NSD1: variants seen among roughly 807,000 people sequenced by gnomAD.
NSD1 encodes histone-lysine N-methyltransferase, H3 lysine-36 specific.
Under a neutral mutation model 242.7 loss-of-function variants are expected in NSD1, and 26 were observed. The observed-to-expected ratio is 0.11, with a 90% CI of 0.08 to 0.15. The LOEUF (loss-of-function observed/expected upper bound fraction) is 0.15. Ranked by LOEUF, NSD1 falls within the 10% of genes least tolerant of loss-of-function variation. The probability of loss-of-function intolerance (pLI) is 1.00; values close to 1 mark genes in which losing one functional copy is unlikely to be tolerated. For missense variants in NSD1, 2,495 were observed against 3,272.8 expected (o/e 0.76, Z 5.80); for synonymous variants, 1,106 against 1,178.1 (o/e 0.94, Z 1.25).
rs2149757130 is a variant in NSD1, at chr5:177,135,995, A to C, written c.892A>C (p.Thr298Pro). 6.2e-7 allele frequency: 1 copy of C among 1,614,072 alleles called. No individual in the cohort carries two copies. Among genetic ancestry groups the C allele is most frequent in the East Asian group, 2.2e-5 (1 of 44,882 alleles). Residue 298 changes from threonine to proline, a missense_variant, in exon 2 of 23, where the codon ACT becomes CCT. Thr to Pro is a conservative substitution (Grantham distance 38). Coordinates refer to ENST00000439151, the MANE Select transcript of NSD1 (RefSeq NM_022455.5). ...AGGAAACATGCTAGAATTACCTGGA[A>C]CTTCATCATCATCTACTTCACAGGA... The part of the protein sequence containing the change: ...TLGNMLELPG[T>P]SSSSTSQELP...
intron 5 of NSD1, among the ~76,000 whole-genome samples, chr5:177,227,043 T>C (rs768845158): frequency 1.2e-4 from 19 of 152,326 alleles, no homozygotes; most frequent in Admixed American, 2.0e-4. Context: ...TTCTGTTATG[T>C]TAAAATATCC....
At chr5:177,266,622 AG>A in intron 14 of NSD1, 1 of 578,742 alleles carries the variant, frequency 1.7e-6, no homozygotes, top group Non-Finnish European at 2.6e-6. Flanking sequence ...CCGGCCGCCA[AG>A]ACCCCCGCCT....
chr5:177,257,642 C>T (rs923390008), intron 13 of NSD1, among the ~76,000 whole-genome samples: 1 of 152,050 alleles, frequency 6.6e-6, no homozygotes, highest in African/African-American at 2.4e-5. Context: ...AGGGGCATAA[C>T]GAACTAGTTC....
At chr5:177,256,771 G>C (rs960838312) in intron 12 of NSD1, among the ~76,000 whole-genome samples, 180 bp from the exon 13 acceptor site, 1 of 152,152 alleles carries the variant, frequency 6.6e-6, no homozygotes, top group Non-Finnish European at 1.5e-5. Context: ...GTTGTATCAC[G>C]TCAGGGAGTA....
rs76020197 is a variant in NSD1, at chr5:177,300,070, C to G, written c.*4611C>G. 2.2e-5 allele frequency: 4 copies of G among 183,864 alleles called. No individual in the cohort carries two copies. Among genetic ancestry groups the G allele is most frequent in the Non-Finnish European group, 3.2e-5 (3 of 92,850 alleles). The allele number at this position is 183,864 out of a possible 1,614,324, so 11.4% of individuals were successfully genotyped here. On this transcript the variant is annotated 3_prime_UTR_variant, in exon 23 of 23. Coordinates refer to ENST00000439151, the MANE Select transcript of NSD1 (RefSeq NM_022455.5). ...CTTTTTTGCCGCGCCCCCCCCCCCCCGCCCCCATAGATTGTCAGCTGTAAG... is the reference window on the plus strand; with the variant it reads ...CTTTTTTGCCGCGCCCCCCCCCCCCGGCCCCCATAGATTGTCAGCTGTAAG...
intron 2 of NSD1, among the ~76,000 whole-genome samples, chr5:177,152,327 A>G (rs867119600): frequency 7.2e-6 from 1 of 138,688 alleles, no homozygotes; most frequent in African/African-American, 2.8e-5. Flanking sequence ...GTGTGTATGT[A>G]TGTATGTATG....
intron 2 of NSD1, among the ~76,000 whole-genome samples, chr5:177,180,768 C>T (rs978332379): frequency 7.2e-5 from 11 of 151,870 alleles, no homozygotes; most frequent in South Asian, 2.1e-4. Flanking sequence ...CTGCATCCTC[C>T]GCCTCCCGGG....
At chr5:177,146,134 A>G (rs937580815) in intron 2 of NSD1, among the ~76,000 whole-genome samples, 2 of 151,238 alleles carry the variant, frequency 1.3e-5, no homozygotes, top group African/African-American at 4.8e-5. Context: ...TGGTTTTGCA[A>G]TGGTAATATT....
intron 14 of NSD1, among the ~76,000 whole-genome samples, chr5:177,263,712 T>G (rs1171660511): frequency 6.6e-6 from 1 of 152,234 alleles, no homozygotes; most frequent in Non-Finnish European, 1.5e-5. Flanking sequence ...ATCCACATTG[T>G]TCATGGAACA....
At chr5:177,174,377 T>C (rs1320766073) in intron 2 of NSD1, among the ~76,000 whole-genome samples, 3 of 152,030 alleles carry the variant, frequency 2.0e-5, no homozygotes, top group African/African-American at 7.2e-5. Flanking sequence ...CTTGCCAAGC[T>C]AATTTTTGTG....
In NSD1 at chr5:177,191,752, A is replaced by G. The variant is rs1037690811; in HGVS notation, c.928-132A>G. The G allele has an allele frequency of 4.5e-6, 4 of 886,062 alleles. No homozygotes were observed. The African/African-American group carries it at 5.0e-5, about 11-fold the overall frequency. 54.9% of individuals were successfully genotyped at this position (886,062 alleles called of 1,614,324 possible). A position where few individuals can be genotyped will look rare whatever the true frequency, so the allele number is the denominator to read the frequency against. On this transcript the variant is annotated intron_variant, in intron 2 of 22. Transcript: ENST00000439151. ...ATAATTTAGTTGTACTTATTTTGTA[A>G]TTCTTTTTAGGCTAGAGTGTTTTCA...
At chr5:177,218,059 T>C (rs545330287) in intron 5 of NSD1, among the ~76,000 whole-genome samples, 11 of 152,202 alleles carry the variant, frequency 7.2e-5, no homozygotes, top group African/African-American at 2.6e-4. Context: ...ACTACAGCCA[T>C]GCACCACCAT....
chr5:177,283,828 G>T lies in NSD1; in HGVS notation c.6051G>T (p.Arg2017=). 6.2e-7 allele frequency: 1 copy of T among 1,614,176 alleles called. No individual in the cohort carries two copies. Among genetic ancestry groups the T allele is most frequent in the South Asian group, 1.1e-5 (1 of 91,080 alleles). The change falls in exon 20 of 23, where the codon CGG becomes CGT. Residue 2017 remains arginine, a synonymous_variant. Coordinates refer to ENST00000439151, the MANE Select transcript of NSD1 (RefSeq NM_022455.5). ...IDAGPKGNYA[R]FMNHCCQPNC... is the part of the protein sequence containing the mutation. Reference sequence around the variant, plus strand: ...CTGGTCCCAAAGGAAACTATGCTCGGTTCATGAATCATTGCTGCCAGCCCA... The same window carrying T: ...CTGGTCCCAAAGGAAACTATGCTCGTTTCATGAATCATTGCTGCCAGCCCA...
intron 2 of NSD1, among the ~76,000 whole-genome samples, chr5:177,147,084 T>C (rs552853312): frequency 6.6e-6 from 1 of 151,842 alleles, no homozygotes; most frequent in East Asian, 1.9e-4. Flanking sequence ...TAAAACTACA[T>C]CCATCGTCTT....
At position 177,295,309 on chromosome 5, in the gene NSD1, G is replaced by A. The variant is rs1308245362; in HGVS notation, c.7941G>A (p.Gln2647=). Residue 2647 remains glutamine (Q), a synonymous_variant, in exon 23 of 23, where the codon CAG becomes CAA. Transcript: ENST00000439151. This position sits in a 1 kb window ranked among gnomAD's most constrained non-coding sequence, Gnocchi z 4.3. ...TAGTGGCTGGACAGACACTGGCACA[G>A]TCTTGCTGGTCTGCTGGGAGCACAC... ...WPIVAGQTLA[Q]SCWSAGSTQT... 2 of 1,613,976 alleles carry A rather than the reference G, an allele frequency of 1.2e-6. No homozygotes were observed.
intron 17 of NSD1, among the ~76,000 whole-genome samples, chr5:177,275,086 C>T (rs755916398): frequency 6.6e-6 from 1 of 150,936 alleles, no homozygotes; most frequent in Non-Finnish European, 1.5e-5. Flanking sequence ...CTAATTTGAC[C>T]ACCATCTTGA....
At chr5:177,192,549 AC>A (rs1304905798) in intron 3 of NSD1, among the ~76,000 whole-genome samples, 3 of 152,298 alleles carry the variant, frequency 2.0e-5, no homozygotes, top group African/African-American at 7.2e-5. Context: ...GGCATGTGCC[AC>A]TACGCCCAGC....
chr5:177,139,386 C>T (rs1756619399), intron 2 of NSD1, among the ~76,000 whole-genome samples: 1 of 147,564 alleles, frequency 6.8e-6, no homozygotes, highest in South Asian at 2.1e-4. Flanking sequence ...GCGGAGGTTG[C>T]AGTGAGCCGA....
At chr5:177,226,194 G>A (rs968345316) in intron 5 of NSD1, among the ~76,000 whole-genome samples, 1 of 152,016 alleles carries the variant, frequency 6.6e-6, no homozygotes, top group African/African-American at 2.4e-5. Flanking sequence ...CTACAGGCAC[G>A]TGCCACCACA....
Sources: gnomAD v4.1 joint callset for allele counts (sites outside exome capture counted in the v4.1 genomes callset) on GRCh38, gnomAD v4.1.1 for gene constraint, Gnocchi (gnomAD v3.1) non-coding constraint, MANE v1.5 for transcripts, NCBI Gene and HGNC (gene_info 2026-07-23, HGNC 2026-07-21) for gene names.